Variants in RNMT observed in about 807,000 individuals in gnomAD.
The protein encoded by RNMT is RNA guanine-7 methyltransferase.
Under a neutral mutation model 56.0 loss-of-function variants are expected in RNMT, and 27 were observed. That is an observed-to-expected ratio of 0.48 (90% CI 0.36 to 0.67). RNMT has a LOEUF of 0.67. Among genes scored for constraint, RNMT ranks in the 30% least tolerant of loss-of-function variants. The pLI, the probability that RNMT is intolerant of heterozygous loss-of-function variation, is 0.00. For synonymous variants in RNMT, 184 were observed against 176.2 expected, an observed-to-expected ratio of 1.04 and a Z score of -0.35; for missense variants, 519 against 552.1, an observed-to-expected ratio of 0.94 and a Z score of 0.60.
chr18:13,743,554 G>T (rs1032854306), intron 8 of RNMT, among the ~76,000 whole-genome samples: 5 of 151,998 alleles, frequency 3.3e-5, no homozygotes, highest in Admixed American at 2.6e-4. Context: ...AAAGCTGGGG[G>T]TAACTGGGCC....
rs1445872177 is a variant in RNMT, at chr18:13,763,186, C to G, written c.*3207C>G. ...TTGCTGCTATATCAAACACTGCACACTTGACAAGTGTTTTCATTCCCCGCC... is the reference window on the plus strand; with the variant it reads ...TTGCTGCTATATCAAACACTGCACAGTTGACAAGTGTTTTCATTCCCCGCC... On this transcript the variant is annotated 3_prime_UTR_variant, in exon 12 of 12. Coordinates refer to ENST00000383314, the MANE Select transcript of RNMT (RefSeq NM_003799.3). 2 of 454,460 alleles carry G rather than the reference C, an allele frequency of 4.4e-6. No homozygotes were observed. Among genetic ancestry groups the G allele is most frequent in the African/African-American group, 4.0e-5 (2 of 50,034 alleles). The allele number at this position is 454,460 out of a possible 1,614,324, so 28.2% of individuals were successfully genotyped here. A position where few individuals can be genotyped will look rare whatever the true frequency, so the allele number is the denominator to read the frequency against.
intron 10 of RNMT, among the ~76,000 whole-genome samples, chr18:13,752,800 C>T (rs1278543890): frequency 6.6e-6 from 1 of 152,204 alleles, no homozygotes; most frequent in Non-Finnish European, 1.5e-5. Flanking sequence ...TAAAAGTTTA[C>T]ATTTTAAGAA....
At chr18:13,745,659 C>T (rs796949275) in intron 8 of RNMT, among the ~76,000 whole-genome samples, 5 of 151,770 alleles carry the variant, frequency 3.3e-5, no homozygotes, top group African/African-American at 1.2e-4. Flanking sequence ...TGAGAGACAG[C>T]TGAACTACCG....
At chr18:13,735,584 C>A (rs889578430) in intron 4 of RNMT, among the ~76,000 whole-genome samples, 31 of 145,698 alleles carry the variant, frequency 2.1e-4, no homozygotes, top group Non-Finnish European at 3.7e-4. Flanking sequence ...GTCCTAATTT[C>A]TTTTCAGCCT....
chr18:13,744,123 A>T (rs2044306112), intron 8 of RNMT, among the ~76,000 whole-genome samples: 1 of 132,364 alleles, frequency 7.6e-6, no homozygotes, highest in Non-Finnish European at 1.6e-5. Context: ...AAAACAAAAG[A>T]TTTGTTTTAA....
At chr18:13,734,720 T>C in intron 4 of RNMT, 121 bp downstream of exon 4, 1 of 821,490 alleles carries the variant, frequency 1.2e-6, no homozygotes, top group Non-Finnish European at 1.8e-6. Flanking sequence ...ATATTTACTT[T>C]TGGTTGACTG....
rs2044174477 is a variant in RNMT, at chr18:13,737,185, G to A, written c.679+50G>A. On this transcript the variant is annotated intron_variant, in intron 5 of 11. Transcript: ENST00000383314. ...AGAATAATTTGTAGTCAGATAAATG[G>A]AAAATAAGAAGGATTGTCTCAAATT... 3 of 1,479,552 alleles carry A rather than the reference G, an allele frequency of 2.0e-6. No individual in the cohort carries two copies. The Admixed American group carries it at 5.8e-5, about 28-fold the overall frequency. The allele number at this position is 1,479,552 out of a possible 1,614,324, so 91.7% of individuals were successfully genotyped here. A position where few individuals can be genotyped will look rare whatever the true frequency, so the allele number is the denominator to read the frequency against.
At chr18:13,743,876 C>G (rs1371207192) in intron 8 of RNMT, among the ~76,000 whole-genome samples, 1 of 151,676 alleles carries the variant, frequency 6.6e-6, no homozygotes, top group Non-Finnish European at 1.5e-5. Flanking sequence ...AGCATTGTGA[C>G]TGAACATGAG....
rs2044613649 is a variant in RNMT, at chr18:13,761,093, A to C, written c.*1114A>C. ...AATTATTAAGCCATGATTTACAAAAACATTACTTTCTGTAATTCACAATAC... is the reference window on the plus strand; with the variant it reads ...AATTATTAAGCCATGATTTACAAAACCATTACTTTCTGTAATTCACAATAC... On this transcript the variant is annotated 3_prime_UTR_variant, in exon 12 of 12. Transcript: ENST00000383314. The C allele has an allele frequency of 8.1e-6, 8 of 985,182 alleles. No homozygotes were observed. Among genetic ancestry groups the C allele is most frequent in the Non-Finnish European group, 9.6e-6 (8 of 829,684 alleles). The allele number at this position is 985,182 out of a possible 1,614,324, so 61.0% of individuals were successfully genotyped here. A position where few individuals can be genotyped will look rare whatever the true frequency, so the allele number is the denominator to read the frequency against.
chr18:13,728,034 CTTG>C lies in RNMT; in HGVS notation c.-172+1306_-172+1308del, dbSNP rs534142405. Reference sequence around the variant, plus strand: ...CCATATCTTGACTATTGTGAATAAACTTGAGACTGCAGATATTTCTTAGATATA... The same window carrying C: ...CCATATCTTGACTATTGTGAATAAACAGACTGCAGATATTTCTTAGATATA... On this transcript the variant is annotated intron_variant, in intron 1 of 11. Coordinates refer to ENST00000383314, the MANE Select transcript of RNMT (RefSeq NM_003799.3). Among the ~76,000 whole-genome samples, 18 of 152,260 alleles carry C rather than the reference CTTG, an allele frequency of 1.2e-4. No individual in the cohort carries two copies. In the East Asian group the frequency reaches 3.5e-3, roughly 29 times the overall value.
intron 4 of RNMT, 81 bp from the exon 5 acceptor site, chr18:13,736,929 G>C (rs940918478): frequency 8.0e-7 from 1 of 1,251,006 alleles, no homozygotes; most frequent in African/African-American, 1.5e-5. Flanking sequence ...GCAAAAGATA[G>C]TAGGTTATTA....
Position 13,761,501 on chromosome 18 carries a change from G to T in RNMT, c.*1522G>T. On this transcript the variant is annotated 3_prime_UTR_variant, in exon 12 of 12. Transcript: ENST00000383314. ...ATTATTTCCTCTGTTCACATTTACT[G>T]GTCTTAATTAACAGGTAATAATAAT... 1.0e-6 allele frequency: 1 copy of T among 987,330 alleles called. No homozygotes were observed. Among genetic ancestry groups the T allele is most frequent in the Non-Finnish European group, 1.2e-6 (1 of 831,130 alleles). 61.2% of individuals were successfully genotyped at this position (987,330 alleles called of 1,614,324 possible). A position where few individuals can be genotyped will look rare whatever the true frequency, so the allele number is the denominator to read the frequency against.
At chr18:13,733,568 G>A (rs1237098861) in intron 3 of RNMT, among the ~76,000 whole-genome samples, 3 of 152,120 alleles carry the variant, frequency 2.0e-5, no homozygotes, top group Non-Finnish European at 4.4e-5. Context: ...AGTAGAGATA[G>A]GGTTTCACCA....
rs114624771 is a variant in RNMT at position 13,745,938 on chromosome 18, C to T, written c.1140-282C>T. Among the ~76,000 whole-genome samples, 1,218 of 152,254 alleles carry T rather than the reference C, an allele frequency of 8.0e-3. 20 individuals are homozygous for T. Among genetic ancestry groups the T allele is most frequent in the African/African-American group, 0.028 (1,174 of 41,542 alleles). On this transcript the variant is annotated intron_variant, in intron 8 of 11. Transcript: ENST00000383314. ...AAATGGAATCAGTAGAAAAGAGTTT[C>T]CTACACTTTTTCCGCATCTCACAGC...
At chr18:13,754,217 T>C in intron 11 of RNMT, 70 bp downstream of exon 11, 1 of 1,077,560 alleles carries the variant, frequency 9.3e-7, no homozygotes, top group Non-Finnish European at 1.4e-6. Flanking sequence ...CATTAAAACC[T>C]GAAAAAAGGC....
intron 1 of RNMT, among the ~76,000 whole-genome samples, chr18:13,727,240 C>T (rs1301536976): frequency 6.6e-6 from 1 of 152,208 alleles, no homozygotes; most frequent in Non-Finnish European, 1.5e-5. Context: ...GCGGCCTGCT[C>T]GCTCGTACCC....
intron 9 of RNMT, among the ~76,000 whole-genome samples, chr18:13,746,570 A>T (rs2044355785): frequency 6.6e-6 from 1 of 152,258 alleles, no homozygotes; most frequent in African/African-American, 2.4e-5. Flanking sequence ...GCTTTAAAAT[A>T]GGATTTCTCA....
chr18:13,750,520 C>T (rs1252330707), intron 9 of RNMT, among the ~76,000 whole-genome samples: 1 of 152,000 alleles, frequency 6.6e-6, no homozygotes, highest in Non-Finnish European at 1.5e-5. Flanking sequence ...GACCATAAGG[C>T]TGGATGTGGT....
chr18:13,757,099 A>G (rs1330138995), intron 11 of RNMT, among the ~76,000 whole-genome samples: 2 of 152,194 alleles, frequency 1.3e-5, no homozygotes, highest in African/African-American at 4.8e-5. Context: ...AGTGTGTAGT[A>G]GTGTTGTGTC....
Sources: allele counts gnomAD v4.1 joint callset (sites outside exome capture counted in the v4.1 genomes callset), GRCh38; gene constraint gnomAD v4.1.1; transcripts MANE v1.5; gene names NCBI Gene and HGNC (gene_info 2026-07-23, HGNC 2026-07-21).